Variants in ZNF100 observed in about 807,000 individuals in gnomAD.
The protein encoded by ZNF100 is zinc finger protein 100 (Y1).
ZNF100 carries 12 observed loss-of-function variants against 15.8 expected under a neutral mutation model. That is an observed-to-expected ratio of 0.76 (90% CI 0.49 to 1.23). ZNF100 has a LOEUF of 1.23. Among genes scored for constraint, ZNF100 ranks in the 50% most tolerant of loss-of-function variants. The pLI, the probability that ZNF100 is intolerant of heterozygous loss-of-function variation, is 0.00. For missense variants in ZNF100, 670 were observed against 635.6 expected (o/e 1.05, Z -0.58); for synonymous variants, 226 against 214.8 (o/e 1.05, Z -0.45).
At chr19:21,737,703 C>T (rs2036033697) in intron 4 of ZNF100, among the ~76,000 whole-genome samples, 1 of 151,396 alleles carries the variant, frequency 6.6e-6, no homozygotes, top group Non-Finnish European at 1.5e-5. Flanking sequence ...CTGAATAGAC[C>T]AACAACAAGT....
At position 21,725,101 on chromosome 19, in the gene ZNF100, TTTAAC is replaced by T. The variant is rs1267278948; in HGVS notation, c.*1577_*1581del. 1 of 152,150 alleles carries T rather than the reference TTTAAC, an allele frequency of 6.6e-6. No homozygotes were observed. Among genetic ancestry groups the T allele is most frequent in the Non-Finnish European group, 1.5e-5 (1 of 68,018 alleles). The allele number at this position is 152,150 out of a possible 1,614,324, so 9.4% of individuals were successfully genotyped here. ...AATTTAACCTACAGAAATAATATTCTTTAACTTATTTGCAGTCAAAGCCACTAGCA... is the reference window on the plus strand; with the variant it reads ...AATTTAACCTACAGAAATAATATTCTTTATTTGCAGTCAAAGCCACTAGCA... On this transcript the variant is annotated 3_prime_UTR_variant, in exon 5 of 5. Transcript: ENST00000358296.
intron 4 of ZNF100, among the ~76,000 whole-genome samples, chr19:21,728,766 A>C (rs984891867): frequency 6.6e-6 from 1 of 151,938 alleles, no homozygotes; most frequent in African/African-American, 2.4e-5. Context: ...ATATGGTTCC[A>C]TAAAAATATA....
intron 2 of ZNF100, among the ~76,000 whole-genome samples, chr19:21,760,264 TAGC>T (rs1485999489): frequency 2.7e-5 from 4 of 150,706 alleles, no homozygotes; most frequent in African/African-American, 9.8e-5. Flanking sequence ...AGGCTGAGGC[TAGC>T]GAGTCACCTG....
chr19:21,751,848 C>CAGCT, intron 2 of ZNF100: 1 of 809,634 alleles, frequency 1.2e-6, no homozygotes, highest in Non-Finnish European at 2.0e-6. Context: ...TTGTGTGGAG[C>CAGCT]AGCTGTAAGA....
chr19:21,751,161 C>A, intron 2 of ZNF100: 5 of 1,327,240 alleles, frequency 3.8e-6, no homozygotes, highest in Non-Finnish European at 5.4e-6. Context: ...GGAAGAGCAA[C>A]CACTTAAATC....
intron 4 of ZNF100, among the ~76,000 whole-genome samples, chr19:21,730,970 G>C (rs2035906532): frequency 1.3e-5 from 2 of 152,212 alleles, no homozygotes; most frequent in South Asian, 2.1e-4. Context: ...TTAGTGCAAT[G>C]TTGTTAAAAA....
intron 4 of ZNF100, among the ~76,000 whole-genome samples, chr19:21,736,602 T>C (rs903840762): frequency 3.9e-5 from 6 of 152,252 alleles, no homozygotes; most frequent in African/African-American, 1.4e-4. Context: ...CACATTCTTC[T>C]AATTGCCACA....
At position 21,761,036 on chromosome 19, in the gene ZNF100, G is replaced by C. The variant is rs148039426; in HGVS notation, c.96+4658C>G. Among the ~76,000 whole-genome samples the C allele has an allele frequency of 4.2e-3, 632 of 152,128 alleles. 4 individuals carry two copies. Among genetic ancestry groups the C allele is most frequent in the African/African-American group, 0.015 (603 of 41,528 alleles). ...GCCTCCCAAAGTGCTGGCATTACAGGGGTGAGCAACCGTGCCCGGCCTGAG... is the reference window on the plus strand; with the variant it reads ...GCCTCCCAAAGTGCTGGCATTACAGCGGTGAGCAACCGTGCCCGGCCTGAG... On this transcript the variant is annotated intron_variant, in intron 2 of 4. Transcript: ENST00000358296.
At chr19:21,731,993 C>T (rs1055674714) in intron 4 of ZNF100, among the ~76,000 whole-genome samples, 20 of 152,192 alleles carry the variant, frequency 1.3e-4, no homozygotes, top group African/African-American at 4.6e-4. Context: ...GGACTCACAT[C>T]TGTAATCCCA....
intron 4 of ZNF100, among the ~76,000 whole-genome samples, chr19:21,739,496 C>A (rs1599385756): frequency 6.6e-6 from 1 of 152,088 alleles, no homozygotes; most frequent in African/African-American, 2.4e-5. Context: ...GCTGAGGTTG[C>A]AGTGAGCCAA....
chr19:21,736,608 C>T (rs1401375035), intron 4 of ZNF100, among the ~76,000 whole-genome samples: 1 of 152,206 alleles, frequency 6.6e-6, no homozygotes, highest in Non-Finnish European at 1.5e-5. Flanking sequence ...CTTCTAATTG[C>T]CACATGGCAC....
At chr19:21,749,294 A>G (rs895213792) in intron 2 of ZNF100, among the ~76,000 whole-genome samples, 7 of 106,822 alleles carry the variant, frequency 6.6e-5, no homozygotes, top group Admixed American at 9.0e-5. Context: ...ATGAAGGGAG[A>G]AAAAAAAAAA....
At chr19:21,738,343 C>T (rs1432849227) in intron 4 of ZNF100, among the ~76,000 whole-genome samples, 2 of 147,652 alleles carry the variant, frequency 1.4e-5, no homozygotes, top group East Asian at 2.0e-4. Context: ...CCAAAAAGGC[C>T]CCATATAGCC....
chr19:21,733,016 CAGT>C (rs2035945322), intron 4 of ZNF100, among the ~76,000 whole-genome samples: 1 of 151,978 alleles, frequency 6.6e-6, no homozygotes, highest in African/African-American at 2.4e-5. Context: ...CACTTGAGAC[CAGT>C]AGTTCAAGAT....
Position 21,742,462 on chromosome 19 carries a change from C to G in ZNF100, c.322+1555G>C, listed in dbSNP as rs139662497. On this transcript the variant is annotated intron_variant, in intron 4 of 4. Coordinates refer to ENST00000358296, the MANE Select transcript of ZNF100 (RefSeq NM_173531.4). ...TGAGCTGAGATCGCGCTATTGCACT[C>G]CAGCCTGGGCAACAACAGTGAAACG... is the stretch of plus-strand genomic sequence containing the variant. 6.1e-3 allele frequency among the ~76,000 whole-genome samples: 906 copies of G among 148,430 alleles called. 29 individuals are homozygous for G. The highest frequency in any genetic ancestry group is 0.046 in the Admixed American group (687 of 14,802).
rs2145678043 is a variant in ZNF100, at chr19:21,726,586, T to G, written c.*97A>C. Reference sequence around the variant, plus strand: ...TAGGAATTGAGAATTTATTAAAGGCTTTGCCATATTCTTCACAGTCACAGG... The same window carrying G: ...TAGGAATTGAGAATTTATTAAAGGCGTTGCCATATTCTTCACAGTCACAGG... On this transcript the variant is annotated 3_prime_UTR_variant, in exon 5 of 5. Transcript: ENST00000358296. 9.1e-7 allele frequency: 1 copy of G among 1,096,150 alleles called. No individual in the cohort carries two copies. The highest frequency in any genetic ancestry group is 1.6e-5 in the African/African-American group (1 of 63,166). The allele number at this position is 1,096,150 out of a possible 1,614,324, so 67.9% of individuals were successfully genotyped here.
chr19:21,751,119 G>A, intron 2 of ZNF100: 2 of 1,429,300 alleles, frequency 1.4e-6, no homozygotes, highest in South Asian at 1.1e-5. Flanking sequence ...CAAGTTTCCT[G>A]AGCAAATCTC....
intron 2 of ZNF100, among the ~76,000 whole-genome samples, chr19:21,747,139 C>G (rs1343685050): frequency 2.0e-5 from 3 of 152,150 alleles, no homozygotes. Context: ...CAGTAATGAA[C>G]ATATGGGCCA....
chr19:21,739,102 T>A (rs183827762), intron 4 of ZNF100, among the ~76,000 whole-genome samples: 1 of 152,188 alleles, frequency 6.6e-6, no homozygotes, highest in Non-Finnish European at 1.5e-5. Flanking sequence ...ACATCCAACA[T>A]TGGGGATTAC....
Sources: gnomAD v4.1 joint callset for allele counts (sites outside exome capture counted in the v4.1 genomes callset) on GRCh38, gnomAD v4.1.1 for gene constraint, MANE v1.5 for transcripts, NCBI Gene and HGNC (gene_info 2026-07-23, HGNC 2026-07-21) for gene names.